The following KIAA0319 variants were observed in gnomAD, a reference collection of about 807,000 sequenced individuals.
KIAA0319 encodes the protein dyslexia-associated protein KIAA0319.
A neutral mutation model predicts 108.4 loss-of-function variants in KIAA0319; 83 were observed. The observed-to-expected ratio is 0.77, with a 90% CI of 0.64 to 0.92. KIAA0319 has a LOEUF of 0.92. KIAA0319 is among the 40% of genes least tolerant of loss of function. The pLI is 0.00. For missense variants in KIAA0319, 1,195 were observed against 1,322.4 expected (o/e 0.90, Z 1.49); for synonymous variants, 484 against 510.4 (o/e 0.95, Z 0.70).
chr6:24,579,936 G>A lies in KIAA0319; in HGVS notation c.1294C>T (p.Leu432=). ...VTVKPARRVN[L]PPVAVVSPQL... is the part of the protein sequence containing the mutation. Reference sequence around the variant, plus strand: ...GGAGAAACAACTGCTACAGGTGGCAGGTTGACTCTTCTGGCTGTAACAAAA... The same window carrying A: ...GGAGAAACAACTGCTACAGGTGGCAAGTTGACTCTTCTGGCTGTAACAAAA... Residue 432 remains leucine, a synonymous_variant, in exon 8 of 21, where the codon CTG becomes TTG. Transcript: ENST00000378214. 24 of 1,593,594 alleles carry A rather than the reference G, an allele frequency of 1.5e-5. No homozygotes were observed. The highest frequency in any genetic ancestry group is 2.1e-5 in the Non-Finnish European group (24 of 1,169,522).
At chr6:24,591,194 C>T in intron 3 of KIAA0319, among the ~76,000 whole-genome samples, 1 of 152,082 alleles carries the variant, frequency 6.6e-6, no homozygotes. Flanking sequence ...CATTCATGTA[C>T]AAGTTTCTAT....
At chr6:24,620,596 C>T (rs751639660) in intron 1 of KIAA0319, among the ~76,000 whole-genome samples, 11 of 152,212 alleles carry the variant, frequency 7.2e-5, no homozygotes, top group Non-Finnish European at 1.2e-4. Context: ...CCACTGCTCC[C>T]GGCCCCATAC....
chr6:24,572,533 T>A (rs1210476080), intron 11 of KIAA0319, 42 bp downstream of exon 11: 1 of 1,595,428 alleles, frequency 6.3e-7, no homozygotes, highest in Non-Finnish European at 8.5e-7. Context: ...CTATCATTTC[T>A]GCTTTAATCT....
chr6:24,581,792 C>A (rs562974600), intron 6 of KIAA0319, among the ~76,000 whole-genome samples: 6 of 152,322 alleles, frequency 3.9e-5, no homozygotes, highest in African/African-American at 1.4e-4. Flanking sequence ...CATCTGCCTG[C>A]CTACTTGCAT....
In KIAA0319 at chr6:24,588,688, G is replaced by A. The variant is rs751748358; in HGVS notation, c.899C>T (p.Thr300Ile). 2 of 1,613,954 alleles carry A rather than the reference G, an allele frequency of 1.2e-6. No homozygotes were observed. Among genetic ancestry groups the A allele is most frequent in the Non-Finnish European group, 1.7e-6 (2 of 1,179,910 alleles). Reference sequence around the variant, plus strand: ...GGGAGGTGTTGGGATGCTGTGCTCTGTACTCCCCGGGGTGACTGTGAGCAC... The same window carrying A: ...GGGAGGTGTTGGGATGCTGTGCTCTATACTCCCCGGGGTGACTGTGAGCAC... ...SPVLTVTPGS[T>I]EHSIPTPPTS... is the part of the protein sequence containing the mutation. Residue 300 changes from threonine (T) to isoleucine (I), a missense_variant, in exon 4 of 21, where the codon ACA (threonine) becomes ATA (isoleucine). Coordinates refer to ENST00000378214, the MANE Select transcript of KIAA0319 (RefSeq NM_014809.4).
intron 1 of KIAA0319, among the ~76,000 whole-genome samples, chr6:24,621,562 A>G (rs1223133149): frequency 2.6e-5 from 4 of 152,240 alleles, no homozygotes; most frequent in African/African-American, 7.2e-5. Flanking sequence ...TTTCTAGTTC[A>G]ATATGGCAGA....
chr6:24,623,895 C>T (rs1185063759), intron 1 of KIAA0319, among the ~76,000 whole-genome samples: 2 of 151,824 alleles, frequency 1.3e-5, no homozygotes, highest in East Asian at 1.9e-4. Context: ...ATCACATGTA[C>T]CCCATAAATG....
chr6:24,585,187 C>G (rs986778111), intron 4 of KIAA0319, among the ~76,000 whole-genome samples: 1 of 152,082 alleles, frequency 6.6e-6, no homozygotes, highest in African/African-American at 2.4e-5. Context: ...TACAGGAGAC[C>G]AGAACATGCC....
rs1300432516 is a variant in KIAA0319 at position 24,566,739 on chromosome 6, CTAT to C, written c.2147_2149del (p.Asn716del). On this transcript the variant is annotated inframe_deletion, in exon 14 of 21. Transcript: ENST00000378214. Reference sequence around the variant, plus strand: ...GCCACCAGCCCGGGCTCTGGGAGGACTATTATTTTCTAAGTCAAATATAGCAAA... The same window carrying C: ...GCCACCAGCCCGGGCTCTGGGAGGACTATTTTCTAAGTCAAATATAGCAAA... 27 of 1,604,844 alleles carry C rather than the reference CTAT, an allele frequency of 1.7e-5. No homozygotes were observed. The highest frequency in any genetic ancestry group is 2.3e-5 in the Non-Finnish European group (27 of 1,177,026).
At chr6:24,602,616 C>A (rs937496755) in intron 1 of KIAA0319, among the ~76,000 whole-genome samples, 1 of 151,992 alleles carries the variant, frequency 6.6e-6, no homozygotes, top group East Asian at 1.9e-4. Flanking sequence ...CTGGCTAACA[C>A]GGTGAAACCC....
rs773926500 is a variant in KIAA0319 at position 24,570,028 on chromosome 6, A to G, written c.1866T>C (p.Asn622=). 5 of 1,613,720 alleles carry G rather than the reference A, an allele frequency of 3.1e-6. No homozygotes were observed. The highest frequency in any genetic ancestry group is 1.7e-5 in the Admixed American group (1 of 59,936). ...GGCCGGCCACAGCCACTGGAGGTCT[A>G]TTGTTTTCTGGAATTACAGAAACAG... is the stretch of plus-strand genomic sequence containing the variant. ...VVTVIVQPEN[N]RPPVAVAGPD... is the part of the protein sequence containing the mutation. The change falls in exon 12 of 21, where the codon AAT becomes AAC. Residue 622 remains asparagine (N), a synonymous_variant. Transcript: ENST00000378214.
downstream of KIAA0319, among the ~76,000 whole-genome samples, chr6:24,541,994 G>A (rs1760209015): frequency 2.0e-5 from 3 of 152,196 alleles, no homozygotes; most frequent in Admixed American, 2.0e-4. Flanking sequence ...ATAAAAAGTA[G>A]CTGAGTGTGG....
chr6:24,621,985 C>A (rs1774012933), intron 1 of KIAA0319, among the ~76,000 whole-genome samples: 1 of 152,174 alleles, frequency 6.6e-6, no homozygotes, highest in Non-Finnish European at 1.5e-5. Context: ...CTCCATGGGG[C>A]CCTGGTGGCA....
At chr6:24,638,235 A>G (rs1776456986) in intron 1 of KIAA0319, among the ~76,000 whole-genome samples, 1 of 152,166 alleles carries the variant, frequency 6.6e-6, no homozygotes, top group South Asian at 2.1e-4. Context: ...AGATAGTAAG[A>G]TTTTTTAAGG....
At chr6:24,577,052 G>T (rs977123593) in intron 9 of KIAA0319, among the ~76,000 whole-genome samples, 1 of 152,198 alleles carries the variant, frequency 6.6e-6, no homozygotes, top group Non-Finnish European at 1.5e-5. Flanking sequence ...AGAAATTTAA[G>T]GATGAAGCAA....
At chr6:24,588,446 A>C in intron 4 of KIAA0319, 147 bp downstream of exon 4, 1 of 680,860 alleles carries the variant, frequency 1.5e-6, no homozygotes, top group Non-Finnish European at 2.6e-6. Context: ...TCATCTTTTT[A>C]TTCCCAGTAT....
At chr6:24,625,334 A>T (rs12194307) in intron 1 of KIAA0319, among the ~76,000 whole-genome samples, 21,938 of 152,208 alleles carry the variant, frequency 0.14, 1,785 homozygotes, top group Non-Finnish European at 0.18. Flanking sequence ...ACCACTGATT[A>T]GGGATGGATT....
chr6:24,587,514 T>C (rs979296961), intron 4 of KIAA0319, among the ~76,000 whole-genome samples: 1 of 152,122 alleles, frequency 6.6e-6, no homozygotes, highest in African/African-American at 2.4e-5. Flanking sequence ...TCTCCTGACC[T>C]CATGATCCAC....
At chr6:24,630,748 TATA>T (rs1163653273) in intron 1 of KIAA0319, among the ~76,000 whole-genome samples, 7 of 151,288 alleles carry the variant, frequency 4.6e-5, no homozygotes, top group Non-Finnish European at 8.8e-5. Flanking sequence ...CTTAGAGTTG[TATA>T]ATACTTTCAT....
Sources: gnomAD v4.1 joint callset for allele counts (sites outside exome capture counted in the v4.1 genomes callset) on GRCh38, gnomAD v4.1.1 for gene constraint, MANE v1.5 for transcripts, NCBI Gene and HGNC (gene_info 2026-07-23, HGNC 2026-07-21) for gene names.